ZNF385D: variants seen among roughly 807,000 people sequenced by gnomAD.
ZNF385D encodes the protein zinc finger protein 385D.
Under a neutral mutation model 35.8 loss-of-function variants are expected in ZNF385D, and 15 were observed. The observed-to-expected ratio is 0.42, with a 90% CI of 0.28 to 0.64. The LOEUF is 0.64. Among genes scored for constraint, ZNF385D ranks in the 30% least tolerant of loss-of-function variants. The pLI is 0.23. For missense variants in ZNF385D, 474 were observed against 494.6 expected (o/e 0.96, Z 0.39); for synonymous variants, 212 against 186.8 (o/e 1.13, Z -1.10).
At chr3:22,124,107 T>C (rs567741767) in intron 3 of ZNF385D, among the ~76,000 whole-genome samples, 2 of 151,962 alleles carry the variant, frequency 1.3e-5, no homozygotes, top group East Asian at 1.9e-4. Context: ...TCTCAGCTTC[T>C]GGTAACCGTT....
At chr3:21,537,235 C>T (rs1490100004) in intron 3 of ZNF385D, among the ~76,000 whole-genome samples, 5 of 148,796 alleles carry the variant, frequency 3.4e-5, no homozygotes, top group East Asian at 4.0e-4. Context: ...TGGGTCCAAG[C>T]GATTCTCCTG....
intron 5 of ZNF385D, among the ~76,000 whole-genome samples, chr3:21,436,256 T>C (rs1701545412): frequency 6.6e-6 from 1 of 152,086 alleles, no homozygotes; most frequent in Non-Finnish European, 1.5e-5. Context: ...GAGCATTTTA[T>C]CCCGGCTTGT....
rs1021970487 is a variant in ZNF385D, at chr3:21,418,291, T to C, written c.*2923A>G. 1.3e-5 allele frequency: 2 copies of C among 152,174 alleles called. No individual in the cohort carries two copies. Among genetic ancestry groups the C allele is most frequent in the African/African-American group, 2.4e-5 (1 of 41,452 alleles). 9.4% of individuals were successfully genotyped at this position (152,174 alleles called of 1,614,324 possible). On this transcript the variant is annotated 3_prime_UTR_variant, in exon 8 of 8. Coordinates refer to ENST00000281523, the MANE Select transcript of ZNF385D (RefSeq NM_024697.3). ...TGCTGACCAATCTAAATTGTGGATC[T>C]TTATTCATGAAAAAAGTTCCCTAAG...
chr3:21,610,308 G>A (rs534901152), intron 2 of ZNF385D, among the ~76,000 whole-genome samples: 58 of 152,112 alleles, frequency 3.8e-4, no homozygotes, highest in African/African-American at 1.3e-3. Flanking sequence ...TTCCCTTCCT[G>A]GATTAAGCAA....
chr3:22,254,186 T>G (rs1700199404), intron 2 of ZNF385D, among the ~76,000 whole-genome samples: 1 of 151,708 alleles, frequency 6.6e-6, no homozygotes, highest in African/African-American at 2.4e-5. Context: ...AGAAATGGAG[T>G]AAGAGACATA....
At chr3:21,443,875 C>T (rs1701991724) in intron 4 of ZNF385D, among the ~76,000 whole-genome samples, 1 of 152,024 alleles carries the variant, frequency 6.6e-6, no homozygotes, top group Non-Finnish European at 1.5e-5. Context: ...TGAACTGAAA[C>T]TTTTGAGATG....
At position 21,751,068 on chromosome 3, in the gene ZNF385D, A is replaced by T; in HGVS notation, c.-152T>A. ...GCCGAGAGCGTGCCTCCTCCGCGGG[A>T]TGAGCGCCTTGCAGGCTGCCTTTCC... On this transcript the variant is annotated 5_prime_UTR_variant, in exon 1 of 8. Transcript: ENST00000281523. 6.6e-7 allele frequency: 1 copy of T among 1,519,908 alleles called. No homozygotes were observed. The highest frequency in any genetic ancestry group is 8.8e-7 in the Non-Finnish European group (1 of 1,133,532). The allele number at this position is 1,519,908 out of a possible 1,614,324, so 94.2% of individuals were successfully genotyped here.
At chr3:22,036,580 A>G in intron 3 of ZNF385D, among the ~76,000 whole-genome samples, 1 of 152,144 alleles carries the variant, frequency 6.6e-6, no homozygotes, top group East Asian at 1.9e-4. Flanking sequence ...GAAAAAAACA[A>G]ATTATTTCAT....
intron 3 of ZNF385D, among the ~76,000 whole-genome samples, chr3:21,920,640 A>ACG (rs1559755194): frequency 3.3e-5 from 5 of 149,698 alleles, no homozygotes; most frequent in African/African-American, 1.2e-4. Flanking sequence ...AAAAAAAAAG[A>ACG]TGAAATGGAA....
intron 2 of ZNF385D, among the ~76,000 whole-genome samples, chr3:22,229,298 A>T (rs1698743761): frequency 6.6e-6 from 1 of 152,148 alleles, no homozygotes; most frequent in African/African-American, 2.4e-5. Context: ...TATTTGTGAG[A>T]GGTCCTCCAC....
chr3:21,952,495 T>A (rs957149552), intron 3 of ZNF385D, among the ~76,000 whole-genome samples: 1 of 152,090 alleles, frequency 6.6e-6, no homozygotes, highest in Non-Finnish European at 1.5e-5. Flanking sequence ...GACTATACTT[T>A]TAAGGTCAAA....
Position 21,420,333 on chromosome 3 carries a change from T to C in ZNF385D, c.*881A>G, listed in dbSNP as rs2276791. 29,718 of 152,204 alleles carry C rather than the reference T, an allele frequency of 0.2. 3,240 individuals are homozygous for C. Among genetic ancestry groups the C allele is most frequent in the Non-Finnish European group, 0.25 (17,205 of 67,992 alleles). The allele number at this position is 152,204 out of a possible 1,614,324, so 9.4% of individuals were successfully genotyped here. The stretch of plus-strand genomic sequence containing the variant: ...TCATCCTTGAAATAGAAGAGTTGTA[T>C]TGATTTCTTTCTTAACACTCATGAT... On this transcript the variant is annotated 3_prime_UTR_variant, in exon 8 of 8. Transcript: ENST00000281523.
chr3:21,709,221 A>G (rs374328404), intron 1 of ZNF385D, among the ~76,000 whole-genome samples: 6 of 152,208 alleles, frequency 3.9e-5, no homozygotes, highest in African/African-American at 1.4e-4. Context: ...TTCCTTTCAG[A>G]AACAATGATA....
At chr3:21,746,739 T>C (rs1220925535) in intron 1 of ZNF385D, among the ~76,000 whole-genome samples, 1 of 152,186 alleles carries the variant, frequency 6.6e-6, no homozygotes, top group African/African-American at 2.4e-5. Context: ...GATCACTCAG[T>C]ACAAACTAAT....
At chr3:22,297,008 A>T (rs775241077) in intron 2 of ZNF385D, among the ~76,000 whole-genome samples, 4 of 152,170 alleles carry the variant, frequency 2.6e-5, no homozygotes, top group Admixed American at 2.6e-4. Flanking sequence ...AGGTACAAGT[A>T]TAAGTGGAGG....
At chr3:21,582,768 T>TATTC (rs879414103) in intron 2 of ZNF385D, among the ~76,000 whole-genome samples, 34 of 152,014 alleles carry the variant, frequency 2.2e-4, no homozygotes, top group South Asian at 1.7e-3. Context: ...TTTATTTATT[T>TATTC]ATTCATTCAT....
chr3:22,179,120 A>G (rs900984077), intron 2 of ZNF385D, among the ~76,000 whole-genome samples: 1 of 152,188 alleles, frequency 6.6e-6, no homozygotes, highest in African/African-American at 2.4e-5. Context: ...AGTTCTGTGA[A>G]GAAGGTCATT....
intron 3 of ZNF385D, among the ~76,000 whole-genome samples, chr3:21,920,228 C>A (rs1165924498): frequency 6.6e-6 from 1 of 152,126 alleles, no homozygotes; most frequent in African/African-American, 2.4e-5. Flanking sequence ...TCTGTCTCCA[C>A]AGATTTTAGC....
chr3:21,955,376 C>T (rs1266723190), intron 3 of ZNF385D, among the ~76,000 whole-genome samples: 1 of 152,030 alleles, frequency 6.6e-6, no homozygotes, highest in Non-Finnish European at 1.5e-5. Flanking sequence ...ATTCCACCCC[C>T]AAAAATAGGG....
Sources: gnomAD v4.1 joint callset for allele counts (sites outside exome capture counted in the v4.1 genomes callset) on GRCh38, gnomAD v4.1.1 for gene constraint, MANE v1.5 for transcripts, NCBI Gene and HGNC (gene_info 2026-07-23, HGNC 2026-07-21) for gene names.